Variants in IL1RAPL1 observed in about 807,000 individuals in gnomAD.
IL1RAPL1 encodes the protein interleukin 1 receptor accessory protein like 1.
In IL1RAPL1, 3 loss-of-function variants were observed where a neutral mutation model predicts 48.4. That is an observed-to-expected ratio of 0.06 (90% CI 0.03 to 0.16). IL1RAPL1 has a LOEUF of 0.16. Ranked by LOEUF, IL1RAPL1 falls within the 10% of genes least tolerant of loss-of-function variation. The probability of loss-of-function intolerance (pLI) is 1.00; values close to 1 mark genes in which losing one functional copy is unlikely to be tolerated. For synonymous variants in IL1RAPL1, 185 were observed against 187.7 expected, an observed-to-expected ratio of 0.99 and a Z score of 0.12; for missense variants, 349 against 530.6, an observed-to-expected ratio of 0.66 and a Z score of 3.36.
intron 6 of IL1RAPL1, among the ~76,000 whole-genome samples, chrX:29,831,518 T>C (rs1930874986): frequency 8.9e-6 from 1 of 111,858 alleles, no homozygotes; most frequent in Admixed American, 9.5e-5. Context: ...GAAATGACAC[T>C]GGGGAAATAG....
chrX:29,757,979 GA>G, intron 6 of IL1RAPL1, among the ~76,000 whole-genome samples: 1 of 111,651 alleles, frequency 9.0e-6, no homozygotes, highest in Middle Eastern at 4.7e-3. Flanking sequence ...AGAAGGGAGT[GA>G]AAAAATTCAA....
In IL1RAPL1 at chrX:29,563,274, C is replaced by CTATTTTTT. The variant is rs773895553; in HGVS notation, c.704-105150_704-105143dup. On this transcript the variant is annotated intron_variant, in intron 5 of 10. Coordinates refer to ENST00000378993, the MANE Select transcript of IL1RAPL1 (RefSeq NM_014271.4). ...TGTAGACATTTATATTTTGGTCAGT[C>CTATTTTTT]TATTTTTTTATTTCCAAGTAATTTA... Among the ~76,000 whole-genome samples, 410 of 111,737 alleles carry CTATTTTTT rather than the reference C, an allele frequency of 3.7e-3. 5 individuals are homozygous for CTATTTTTT. Among genetic ancestry groups the CTATTTTTT allele is most frequent in the African/African-American group, 0.013 (393 of 30,811 alleles).
chrX:28,734,547 T>C (rs1305841902), intron 1 of IL1RAPL1, among the ~76,000 whole-genome samples: 1 of 52,969 alleles, frequency 1.9e-5, no homozygotes, highest in Non-Finnish European at 2.9e-5. Flanking sequence ...TACCAAAGTG[T>C]CATTTTTTTT....
At chrX:29,503,622 A>T (rs1361470246) in intron 5 of IL1RAPL1, among the ~76,000 whole-genome samples, 3 of 111,146 alleles carry the variant, frequency 2.7e-5, no homozygotes, top group African/African-American at 9.8e-5. Context: ...ATCATTCCAG[A>T]GCATGTTGCT....
At chrX:28,906,350 A>G (rs184438148) in intron 2 of IL1RAPL1, among the ~76,000 whole-genome samples, 2 of 112,346 alleles carry the variant, frequency 1.8e-5, no homozygotes, top group Non-Finnish European at 3.8e-5. Flanking sequence ...TTTCAGGATG[A>G]AGGAACTGCT....
At chrX:29,365,599 C>T (rs983872292) in intron 3 of IL1RAPL1, among the ~76,000 whole-genome samples, 6 of 110,254 alleles carry the variant, frequency 5.4e-5, no homozygotes, top group African/African-American at 2.0e-4. Context: ...GTAAGAGGAT[C>T]GCTTGAGCCC....
At chrX:28,929,222 T>G (rs1474503411) in intron 2 of IL1RAPL1, among the ~76,000 whole-genome samples, 1 of 112,309 alleles carries the variant, frequency 8.9e-6, no homozygotes. Context: ...TACTGAATAC[T>G]TAGGCAATTT....
intron 2 of IL1RAPL1, among the ~76,000 whole-genome samples, chrX:29,279,522 T>C (rs181334648): frequency 6.5e-4 from 73 of 112,148 alleles, no homozygotes; most frequent in African/African-American, 2.3e-3. Context: ...CCAGGAATTA[T>C]TGAACCATTT....
intron 2 of IL1RAPL1, among the ~76,000 whole-genome samples, chrX:29,068,215 T>A (rs1315860247): frequency 8.9e-6 from 1 of 112,670 alleles, no homozygotes; most frequent in Non-Finnish European, 1.9e-5. Context: ...AGAATTATTT[T>A]TGTGTACATC....
At chrX:29,245,692 A>G (rs1311080698) in intron 2 of IL1RAPL1, among the ~76,000 whole-genome samples, 2 of 111,926 alleles carry the variant, frequency 1.8e-5, no homozygotes, top group Middle Eastern at 4.2e-3. Flanking sequence ...TGTCAGATGG[A>G]TAGATTGCAA....
At chrX:29,107,461 C>G (rs1184629373) in intron 2 of IL1RAPL1, among the ~76,000 whole-genome samples, 1 of 111,777 alleles carries the variant, frequency 8.9e-6, no homozygotes, top group Non-Finnish European at 1.9e-5. Flanking sequence ...CTTTTCCTGC[C>G]TTATTGGGAC....
At chrX:29,759,428 T>G (rs1209794953) in intron 6 of IL1RAPL1, among the ~76,000 whole-genome samples, 2 of 74,913 alleles carry the variant, frequency 2.7e-5, no homozygotes, top group African/African-American at 7.4e-5. Context: ...ACCATAGTTC[T>G]TTTTTTTGGA....
intron 2 of IL1RAPL1, among the ~76,000 whole-genome samples, chrX:28,910,778 A>C (rs1440162222): frequency 9.1e-6 from 1 of 109,505 alleles, no homozygotes; most frequent in East Asian, 2.9e-4. Flanking sequence ...TGCATTAAAA[A>C]AAAAAACACG....
intron 6 of IL1RAPL1, among the ~76,000 whole-genome samples, chrX:29,856,290 C>A (rs1473662149): frequency 1.8e-5 from 2 of 111,624 alleles, no homozygotes; most frequent in Non-Finnish European, 3.8e-5. Context: ...ATCCTTGATG[C>A]TCTGGAAACT....
intron 5 of IL1RAPL1, among the ~76,000 whole-genome samples, chrX:29,608,601 C>T (rs139333246): frequency 0.02 from 2,221 of 110,263 alleles, 49 homozygotes; most frequent in African/African-American, 0.064. Context: ...CCAAGGTGGG[C>T]GGATCACGAG....
At chrX:29,495,584 C>T (rs73219643) in intron 5 of IL1RAPL1, among the ~76,000 whole-genome samples, 1,163 of 111,408 alleles carry the variant, frequency 0.01, 5 homozygotes, top group Middle Eastern at 0.023. Flanking sequence ...AATCAAGATT[C>T]TAGTGTGTTA....
intron 2 of IL1RAPL1, among the ~76,000 whole-genome samples, chrX:28,861,339 C>G (rs1290628542): frequency 1.8e-5 from 2 of 112,101 alleles, no homozygotes; most frequent in Non-Finnish European, 3.8e-5. Flanking sequence ...TTCTGTAGCT[C>G]TCTGACTGTC....
At chrX:29,619,880 G>A (rs1450374589) in intron 5 of IL1RAPL1, among the ~76,000 whole-genome samples, 1 of 111,397 alleles carries the variant, frequency 9.0e-6, no homozygotes, top group South Asian at 3.7e-4. Context: ...AGGAAAAAAG[G>A]CTTCATATTG....
At chrX:28,908,173 GT>G (rs889718586) in intron 2 of IL1RAPL1, among the ~76,000 whole-genome samples, 7 of 111,166 alleles carry the variant, frequency 6.3e-5, no homozygotes, top group Non-Finnish European at 9.5e-5. Flanking sequence ...AGCTTTTGAT[GT>G]CTTTTTTTCT....
Sources: gnomAD v4.1 joint callset for allele counts (sites outside exome capture counted in the v4.1 genomes callset) on GRCh38, gnomAD v4.1.1 for gene constraint, MANE v1.5 for transcripts, NCBI Gene and HGNC (gene_info 2026-07-23, HGNC 2026-07-21) for gene names.